The following VPS13B variants were observed in gnomAD, a reference collection of about 807,000 sequenced individuals.
VPS13B encodes the protein intermembrane lipid transfer protein VPS13B.
A neutral mutation model predicts 426.4 loss-of-function variants in VPS13B; 285 were observed. The observed-to-expected ratio is 0.67, with a 90% CI of 0.61 to 0.74. The LOEUF is 0.74. VPS13B is among the 30% of genes least tolerant of loss of function. The pLI is 0.00. For synonymous variants in VPS13B, 1,676 were observed against 1,676.4 expected, an observed-to-expected ratio of 1.00 and a Z score of 0.01; for missense variants, 4,537 against 4,782.6, an observed-to-expected ratio of 0.95 and a Z score of 1.51.
At chr8:99,710,692 ATTAAG>A (rs1832674877) in intron 36 of VPS13B, among the ~76,000 whole-genome samples, 1 of 152,142 alleles carries the variant, frequency 6.6e-6, no homozygotes, top group Admixed American at 6.5e-5. Context: ...CTTTATTGCT[ATTAAG>A]TTATCACAAG....
intron 57 of VPS13B, among the ~76,000 whole-genome samples, chr8:99,860,264 G>A (rs1430579219): frequency 6.6e-6 from 1 of 152,184 alleles, no homozygotes; most frequent in South Asian, 2.1e-4. Context: ...CATAGAGCGG[G>A]TGAGGGACTG....
At chr8:99,469,960 A>G (rs1435165812) in intron 24 of VPS13B, among the ~76,000 whole-genome samples, 1 of 152,192 alleles carries the variant, frequency 6.6e-6, no homozygotes, top group African/African-American at 2.4e-5. Context: ...GATAGTTCCC[A>G]CCAGAAGAAG....
chr8:99,361,397 C>T (rs1174953206), intron 19 of VPS13B, among the ~76,000 whole-genome samples: 1 of 152,114 alleles, frequency 6.6e-6, no homozygotes, highest in Non-Finnish European at 1.5e-5. Flanking sequence ...TGAAACTACT[C>T]AACTCTGCTG....
chr8:99,564,802 A>C (rs1825105416), intron 31 of VPS13B, among the ~76,000 whole-genome samples: 1 of 152,234 alleles, frequency 6.6e-6, no homozygotes, highest in Non-Finnish European at 1.5e-5. Flanking sequence ...AGTGTCACAA[A>C]AAATAGAGCT....
intron 17 of VPS13B, among the ~76,000 whole-genome samples, chr8:99,257,527 C>T (rs1334441158): frequency 6.6e-6 from 1 of 151,588 alleles, no homozygotes; most frequent in Non-Finnish European, 1.5e-5. Context: ...TTACCAACTC[C>T]TTCCAAACAG....
intron 12 of VPS13B, among the ~76,000 whole-genome samples, chr8:99,140,691 C>CCTA (rs1393758993): frequency 2.7e-5 from 4 of 145,990 alleles, no homozygotes; most frequent in African/African-American, 1.0e-4. Context: ...TCCTCACCCT[C>CCTA]CTCCTCCTCC....
At chr8:99,867,674 G>A (rs1317065765) in intron 58 of VPS13B, among the ~76,000 whole-genome samples, 1 of 152,028 alleles carries the variant, frequency 6.6e-6, no homozygotes, top group Non-Finnish European at 1.5e-5. Flanking sequence ...AACAATGTAT[G>A]ACTCCTAGGA....
intron 40 of VPS13B, among the ~76,000 whole-genome samples, chr8:99,775,026 T>A (rs893768705): frequency 2.6e-5 from 4 of 152,158 alleles, no homozygotes; most frequent in African/African-American, 9.7e-5. Context: ...TAGCTTTCAT[T>A]TTCACCAGCC....
In VPS13B at chr8:99,207,527, G is replaced by T. The variant is rs571774311; in HGVS notation, c.2515+14470G>T. Among the ~76,000 whole-genome samples, 68 of 152,168 alleles carry T rather than the reference G, an allele frequency of 4.5e-4. 1 individual carries two copies. Among genetic ancestry groups the T allele is most frequent in the African/African-American group, 1.5e-3 (64 of 41,544 alleles). ...AAGTGTAAGTGTACAGAGTAGATTTGAGAAAAATGCAATTCTTTGAATTAT... is the reference window on the plus strand; with the variant it reads ...AAGTGTAAGTGTACAGAGTAGATTTTAGAAAAATGCAATTCTTTGAATTAT... On this transcript the variant is annotated intron_variant, in intron 17 of 61. Coordinates refer to ENST00000357162, the MANE Select transcript of VPS13B (RefSeq NM_152564.5).
intron 35 of VPS13B, among the ~76,000 whole-genome samples, chr8:99,662,738 GCTCC>G (rs763444830): frequency 0.048 from 7,255 of 152,122 alleles, 188 homozygotes; most frequent in African/African-American, 0.065. Flanking sequence ...GTGAACCACT[GCTCC>G]TGGCCATTAA....
chr8:99,588,247 A>T (rs1563811658), intron 33 of VPS13B, among the ~76,000 whole-genome samples: 1 of 151,712 alleles, frequency 6.6e-6, no homozygotes, highest in Non-Finnish European at 1.5e-5. Flanking sequence ...GAAGTCAGGT[A>T]GCACGATGCC....
At chr8:99,021,773 C>A (rs753198418) in intron 2 of VPS13B, among the ~76,000 whole-genome samples, 1 of 152,104 alleles carries the variant, frequency 6.6e-6, no homozygotes, top group East Asian at 1.9e-4. Context: ...CCACCATGCC[C>A]GAATAATTTT....
chr8:99,201,245 T>C (rs1203192616), intron 17 of VPS13B, among the ~76,000 whole-genome samples: 1 of 152,176 alleles, frequency 6.6e-6, no homozygotes, highest in African/African-American at 2.4e-5. Context: ...ATTTCTGATA[T>C]TCTTATAAAA....
chr8:99,545,353 A>C (rs1823912539), intron 30 of VPS13B, among the ~76,000 whole-genome samples: 1 of 152,116 alleles, frequency 6.6e-6, no homozygotes, highest in Non-Finnish European at 1.5e-5. Context: ...GTCCTGTGAT[A>C]GTGGAAATTT....
intron 23 of VPS13B, among the ~76,000 whole-genome samples, chr8:99,448,404 C>G (rs1251839831): frequency 6.6e-6 from 1 of 152,058 alleles, no homozygotes; most frequent in Non-Finnish European, 1.5e-5. Context: ...TTTAAATTCT[C>G]TTTTGGTCTT....
intron 30 of VPS13B, among the ~76,000 whole-genome samples, chr8:99,534,748 A>G (rs1323798361): frequency 6.6e-6 from 1 of 152,168 alleles, no homozygotes; most frequent in African/African-American, 2.4e-5. Context: ...ATGGTAAAAC[A>G]TTGTGCTACT....
At chr8:99,194,407 C>T (rs1046748835) in intron 17 of VPS13B, among the ~76,000 whole-genome samples, 1 of 152,158 alleles carries the variant, frequency 6.6e-6, no homozygotes, top group African/African-American at 2.4e-5. Context: ...CTTCCTGTTA[C>T]ATACCCACCC....
chr8:99,107,009 G>A (rs1023929081), intron 5 of VPS13B, among the ~76,000 whole-genome samples: 7 of 152,164 alleles, frequency 4.6e-5, no homozygotes, highest in African/African-American at 1.7e-4. Flanking sequence ...TCCTTTGGTG[G>A]ACATATACAT....
At position 99,530,733 on chromosome 8, in the gene VPS13B, A is replaced by C. The variant is rs1822889502; in HGVS notation, c.4745+9723A>C. Among the ~76,000 whole-genome samples, 3 of 152,138 alleles carry C rather than the reference A, an allele frequency of 2.0e-5. 1 individual carries two copies. The South Asian group carries it at 6.2e-4, about 32-fold the overall frequency. On this transcript the variant is annotated intron_variant, in intron 30 of 61. Coordinates refer to ENST00000357162, the MANE Select transcript of VPS13B (RefSeq NM_152564.5). ...GCATTGCTTTCAATGCAATGCCTAC[A>C]TCTCGGTCGAACCTCATAATAATCT...
Sources: gnomAD v4.1 joint callset for allele counts (sites outside exome capture counted in the v4.1 genomes callset) on GRCh38, gnomAD v4.1.1 for gene constraint, MANE v1.5 for transcripts, NCBI Gene and HGNC (gene_info 2026-07-23, HGNC 2026-07-21) for gene names.